The following JAKMIP2 variants were observed in gnomAD, a reference collection of about 807,000 sequenced individuals.
JAKMIP2 encodes the protein janus kinase and microtubule-interacting protein 2.
JAKMIP2 carries 25 observed loss-of-function variants against 115.0 expected under a neutral mutation model. The ratio of observed to expected loss-of-function variants is 0.22; its 90% CI spans 0.16 to 0.30. The LOEUF is 0.30. Ranked by LOEUF, JAKMIP2 falls within the 10% of genes least tolerant of loss-of-function variation. The pLI is 1.00. For synonymous variants in JAKMIP2, 334 were observed against 343.6 expected (o/e 0.97, Z 0.31); for missense variants, 642 against 957.6 (o/e 0.67, Z 4.35).
chr5:147,687,714 A>T (rs890313700), intron 1 of JAKMIP2, among the ~76,000 whole-genome samples: 4 of 152,196 alleles, frequency 2.6e-5, no homozygotes, highest in Non-Finnish European at 5.9e-5. Context: ...AAAACATTTA[A>T]TTTGGGAGAA....
intron 1 of JAKMIP2, among the ~76,000 whole-genome samples, chr5:147,675,811 T>A (rs2126817606): frequency 6.8e-6 from 1 of 147,364 alleles, no homozygotes; most frequent in East Asian, 2.0e-4. Context: ...TTTTTGTGAC[T>A]GGCTTCTTCC....
rs1426358882 is a variant in JAKMIP2, at chr5:147,613,987, G to C, written c.2347-1616C>G. On this transcript the variant is annotated intron_variant, in intron 19 of 21. Coordinates refer to ENST00000616793, the MANE Select transcript of JAKMIP2 (RefSeq NM_001270941.2). Reference sequence around the variant, plus strand: ...TCCATAGTGCTGTCAGTGCTCCATAGCTACACAGTAAAAGAATAAATTTGC... The same window carrying C: ...TCCATAGTGCTGTCAGTGCTCCATACCTACACAGTAAAAGAATAAATTTGC... Among the ~76,000 whole-genome samples, 6 of 152,284 alleles carry C rather than the reference G, an allele frequency of 3.9e-5. No homozygotes were observed. In the East Asian group the frequency reaches 1.2e-3, roughly 29 times the overall value.
At chr5:147,749,441 CA>C (rs1754472001) in intron 1 of JAKMIP2, among the ~76,000 whole-genome samples, 2 of 152,196 alleles carry the variant, frequency 1.3e-5, no homozygotes, top group Non-Finnish European at 2.9e-5. Context: ...AGCTAGAAGT[CA>C]AACCCTGGCT....
At chr5:147,725,511 C>T (rs1425149605) in intron 1 of JAKMIP2, among the ~76,000 whole-genome samples, 1 of 152,146 alleles carries the variant, frequency 6.6e-6, no homozygotes, top group East Asian at 1.9e-4. Context: ...TTGGCAACCA[C>T]GAAGGGACTA....
intron 2 of JAKMIP2, among the ~76,000 whole-genome samples, chr5:147,666,139 G>C (rs1158932712): frequency 2.0e-5 from 3 of 152,086 alleles, no homozygotes; most frequent in Non-Finnish European, 4.4e-5. Context: ...AGGATTTCTA[G>C]TTATGGCTTC....
chr5:147,661,075 T>C lies in JAKMIP2; in HGVS notation c.500A>G (p.Asp167Gly). 1 of 1,614,046 alleles carries C rather than the reference T, an allele frequency of 6.2e-7. No homozygotes were observed. The highest frequency in any genetic ancestry group is 8.5e-7 in the Non-Finnish European group (1 of 1,180,024). ...TTGGATCATATTGCTCAGAGCCTCG[T>C]CCACCTGCTTCTTGGCCGTTTTCAG... ...ADLKTAKKQV[D>G]EALSNMIQAD... Residue 167 changes from aspartate (D) to glycine (G), a missense_variant, in exon 3 of 22, where the codon GAC becomes GGC. Physicochemically the swap from Asp to Gly is moderately conservative, Grantham distance 94. Coordinates refer to ENST00000616793, the MANE Select transcript of JAKMIP2 (RefSeq NM_001270941.2).
At chr5:147,719,589 T>C (rs1160902505) in intron 1 of JAKMIP2, among the ~76,000 whole-genome samples, 1 of 152,162 alleles carries the variant, frequency 6.6e-6, no homozygotes, top group Non-Finnish European at 1.5e-5. Context: ...ATTGATCCCT[T>C]TACCATTATG....
At chr5:147,757,605 A>C (rs1338938866) in intron 1 of JAKMIP2, among the ~76,000 whole-genome samples, 1 of 151,980 alleles carries the variant, frequency 6.6e-6, no homozygotes, top group East Asian at 1.9e-4. Flanking sequence ...TAGTTTCCTT[A>C]TTTCTGAAAG....
intron 18 of JAKMIP2, among the ~76,000 whole-genome samples, chr5:147,620,183 C>G (rs971172664): frequency 6.6e-6 from 1 of 152,340 alleles, no homozygotes; most frequent in Admixed American, 6.5e-5. Context: ...AAGCCTTGAC[C>G]TCCCAGGCTC....
chr5:147,641,703 A>C lies in JAKMIP2; in HGVS notation c.1281+5T>G, dbSNP rs759777426. The stretch of plus-strand genomic sequence containing the variant: ...AAATGCCTGATAACTTTGATTTCTT[A>C]TTACCTTAATTGGCTTGGAACTTCT... On this transcript the variant is annotated splice_donor_5th_base_variant and intron_variant, in intron 8 of 21. Coordinates refer to ENST00000616793, the MANE Select transcript of JAKMIP2 (RefSeq NM_001270941.2). 2.5e-6 allele frequency: 4 copies of C among 1,606,890 alleles called. No individual in the cohort carries two copies. The highest frequency in any genetic ancestry group is 2.7e-5 in the African/African-American group (2 of 74,698).
At chr5:147,662,461 G>A (rs759291425) in intron 2 of JAKMIP2, among the ~76,000 whole-genome samples, 2 of 152,132 alleles carry the variant, frequency 1.3e-5, no homozygotes, top group Non-Finnish European at 2.9e-5. Context: ...CCTCCTTGTA[G>A]ATTAGCAATG....
At chr5:147,637,714 C>G (rs991220576) in intron 10 of JAKMIP2, among the ~76,000 whole-genome samples, 8 of 151,970 alleles carry the variant, frequency 5.3e-5, no homozygotes, top group African/African-American at 1.9e-4. Context: ...TGCACCCGGC[C>G]TTTCCATTCT....
rs1040990795 is a variant in JAKMIP2 at position 147,590,553 on chromosome 5, A to C, written c.*1154T>G. On this transcript the variant is annotated 3_prime_UTR_variant, in exon 22 of 22. Coordinates refer to ENST00000616793, the MANE Select transcript of JAKMIP2 (RefSeq NM_001270941.2). Reference sequence around the variant, plus strand: ...AAGAAGAGGTCAGAATGCTCTAGGCATGTGAGGATTCTTTAAAAAATAATA... The same window carrying C: ...AAGAAGAGGTCAGAATGCTCTAGGCCTGTGAGGATTCTTTAAAAAATAATA... The C allele has an allele frequency of 8.5e-5, 13 of 152,238 alleles. No individual in the cohort carries two copies. Among genetic ancestry groups the C allele is most frequent in the Admixed American group, 3.9e-4 (6 of 15,286 alleles). The allele number at this position is 152,238 out of a possible 1,614,324, so 9.4% of individuals were successfully genotyped here.
At chr5:147,728,766 A>G (rs1309907838) in intron 1 of JAKMIP2, among the ~76,000 whole-genome samples, 1 of 152,214 alleles carries the variant, frequency 6.6e-6, no homozygotes, top group Non-Finnish European at 1.5e-5. Flanking sequence ...TAGGCAGGTC[A>G]GATATTTGGT....
intron 1 of JAKMIP2, among the ~76,000 whole-genome samples, chr5:147,753,640 C>G (rs948309015): frequency 1.3e-5 from 2 of 152,156 alleles, no homozygotes; most frequent in South Asian, 2.1e-4. Context: ...TCTTTAATGC[C>G]TGCTCATTGT....
intron 1 of JAKMIP2, among the ~76,000 whole-genome samples, chr5:147,768,420 AAATTTC>A (rs1316662556): frequency 6.6e-6 from 1 of 152,186 alleles, no homozygotes; most frequent in Admixed American, 6.5e-5. Context: ...TCAAGACCAC[AAATTTC>A]ACAAATACCT....
At chr5:147,638,866 T>C (rs1256212008) in intron 10 of JAKMIP2, among the ~76,000 whole-genome samples, 1 of 152,174 alleles carries the variant, frequency 6.6e-6, no homozygotes, top group East Asian at 1.9e-4. Context: ...TTTCCTCTTC[T>C]ATAGAAAGAA....
intron 3 of JAKMIP2, among the ~76,000 whole-genome samples, chr5:147,657,073 A>G (rs1758713622): frequency 6.6e-6 from 1 of 152,116 alleles, no homozygotes; most frequent in Non-Finnish European, 1.5e-5. Context: ...AGGTCAGGAG[A>G]TCGAGACCAT....
intron 1 of JAKMIP2, among the ~76,000 whole-genome samples, chr5:147,690,784 A>G (rs1301876300): frequency 1.3e-5 from 2 of 151,986 alleles, no homozygotes; most frequent in East Asian, 3.9e-4. Context: ...CTTCGTGGCT[A>G]TTGCATGACG....
Sources: gnomAD v4.1 joint callset for allele counts (sites outside exome capture counted in the v4.1 genomes callset) on GRCh38, gnomAD v4.1.1 for gene constraint, MANE v1.5 for transcripts, NCBI Gene and HGNC (gene_info 2026-07-23, HGNC 2026-07-21) for gene names.